CREBBP: variants seen among roughly 807,000 people sequenced by gnomAD.
CREBBP encodes the protein CREB-binding protein.
Under a neutral mutation model 265.0 loss-of-function variants are expected in CREBBP, and 19 were observed. The ratio of observed to expected loss-of-function variants is 0.07; its 90% CI spans 0.05 to 0.11. CREBBP has a LOEUF of 0.11. Ranked by LOEUF, CREBBP falls within the 10% of genes least tolerant of loss-of-function variation. The pLI is 1.00. For synonymous variants in CREBBP, 1,457 were observed against 1,223.7 expected (o/e 1.19, Z -3.98); for missense variants, 2,525 against 3,219.0 (o/e 0.78, Z 5.22).
At chr16:3,794,355 AAAAAAAAAAAG>A (rs2053565878) in intron 3 of CREBBP, among the ~76,000 whole-genome samples, 1 of 149,368 alleles carries the variant, frequency 6.7e-6, no homozygotes, top group Non-Finnish European at 1.5e-5. Flanking sequence ...AAAAAAAAAA[AAAAAAAAAAAG>A]ATTTGCCAAG....
At chr16:3,780,099 G>A (rs112206634) in intron 8 of CREBBP, among the ~76,000 whole-genome samples, 104 of 152,058 alleles carry the variant, frequency 6.8e-4, no homozygotes, top group African/African-American at 2.3e-3. Flanking sequence ...AAAAGTAGCT[G>A]GGGGTGGTGG....
chr16:3,860,277 T>C (rs1735837820), intron 1 of CREBBP, among the ~76,000 whole-genome samples: 1 of 152,222 alleles, frequency 6.6e-6, no homozygotes. Flanking sequence ...AATGCTTCTA[T>C]TAAATCTTTC....
chr16:3,782,586 A>G, intron 6 of CREBBP, 98 bp downstream of exon 6: 1 of 1,500,942 alleles, frequency 6.7e-7, no homozygotes, highest in Non-Finnish European at 9.0e-7. Context: ...CGTAGTAAAA[A>G]ACACAAAACA....
At chr16:3,832,414 C>T (rs1344549891) in intron 2 of CREBBP, among the ~76,000 whole-genome samples, 1 of 152,066 alleles carries the variant, frequency 6.6e-6, no homozygotes, top group Non-Finnish European at 1.5e-5. Flanking sequence ...ATGAATATAC[C>T]AATCATGCTT....
At chr16:3,785,473 C>T (rs1183740608) in intron 5 of CREBBP, among the ~76,000 whole-genome samples, 3 of 152,232 alleles carry the variant, frequency 2.0e-5, no homozygotes, top group African/African-American at 7.2e-5. Flanking sequence ...ATGTCACGTT[C>T]CCTGTGCATC....
intron 1 of CREBBP, 122 bp from the exon 2 acceptor site, chr16:3,851,131 T>A (rs2054825147): frequency 1.2e-6 from 1 of 822,028 alleles, no homozygotes; most frequent in Non-Finnish European, 2.0e-6. Context: ...GTCTTAAGAG[T>A]CATGTCATTA....
chr16:3,794,846 G>A (rs768464830), intron 3 of CREBBP, among the ~76,000 whole-genome samples: 15 of 152,086 alleles, frequency 9.9e-5, no homozygotes, highest in Non-Finnish European at 2.1e-4. Context: ...CCACAGTTCC[G>A]GGATTTCCAA....
chr16:3,791,833 T>C, intron 5 of CREBBP, 148 bp downstream of exon 5: 2 of 739,594 alleles, frequency 2.7e-6, no homozygotes, highest in Non-Finnish European at 4.9e-6. Context: ...CCTCTGAGCT[T>C]GGCTGTACCT....
Position 3,793,406 on chromosome 16 carries a change from T to C in CREBBP, c.1196A>G (p.Gln399Arg). The change falls in exon 4 of 31, where the codon CAG (glutamine) becomes CGG (arginine). Residue 399 changes from glutamine (Q) to arginine (R), a missense_variant. Around this residue, in one of 19 missense-constraint regions of CREBBP, gnomAD observed 126 missense variants for 171.9 expected, o/e 0.73. Transcript: ENST00000262367. ...KNVLNHMTHC[Q>R]AGKACQVAHC... is the part of the protein sequence containing the mutation. ...CTTACCTTGGCAGGCTTTCCCAGCC[T>C]GACAATGCGTCATGTGATTCAAAAC... is the stretch of plus-strand genomic sequence containing the variant. The C allele has an allele frequency of 6.2e-7, 1 of 1,614,100 alleles. No homozygotes were observed. Among genetic ancestry groups the C allele is most frequent in the Non-Finnish European group, 8.5e-7 (1 of 1,179,994 alleles).
intron 11 of CREBBP, among the ~76,000 whole-genome samples, chr16:3,775,215 GT>G (rs1413360065): frequency 6.6e-6 from 1 of 152,170 alleles, no homozygotes; most frequent in African/African-American, 2.4e-5. Flanking sequence ...GTTAGAATCT[GT>G]GCTAAGTCTC....
In CREBBP at chr16:3,727,646, A is replaced by G. The variant is rs1374340432; in HGVS notation, c.*72T>C. ...CGCAGTTCCATCTAGGAATAAAAAG[A>G]ACCTAGATGCCTGGATTTTCAGTAC... On this transcript the variant is annotated 3_prime_UTR_variant, in exon 31 of 31. Transcript: ENST00000262367. The G allele has an allele frequency of 1.9e-6, 3 of 1,612,946 alleles. No homozygotes were observed. The East Asian group carries it at 6.7e-5, about 36-fold the overall frequency.
At position 3,782,770 on chromosome 16, in the gene CREBBP, G is replaced by C. The variant is rs1567309689; in HGVS notation, c.1487C>G (p.Pro496Arg). 1.2e-6 allele frequency: 2 copies of C among 1,614,148 alleles called. No homozygotes were observed. Among genetic ancestry groups the C allele is most frequent in the Admixed American group, 1.7e-5 (1 of 60,018 alleles). ...AACCTGAGGCTGCAGCTGCGTCTGG[G>C]GCTGGTTCATGTAGGGGAGTCCGAG... The part of the protein sequence containing the change: ...AALGLPYMNQ[P>R]QTQLQPQVPG... The change falls in exon 6 of 31, where the codon CCC (proline) becomes CGC (arginine). Residue 496 changes from proline to arginine, a missense_variant. This residue lies in a region of CREBBP where 144 missense variants were observed against 134.0 expected (regional missense o/e 1.07). Coordinates refer to ENST00000262367, the MANE Select transcript of CREBBP (RefSeq NM_004380.3).
intron 8 of CREBBP, among the ~76,000 whole-genome samples, chr16:3,780,049 C>T (rs980402265): frequency 2.0e-5 from 3 of 151,916 alleles, no homozygotes; most frequent in African/African-American, 7.3e-5. Flanking sequence ...TGAGACCAGC[C>T]TGGCCAGCGT....
intron 1 of CREBBP, among the ~76,000 whole-genome samples, chr16:3,854,020 G>A (rs1462494627): frequency 2.0e-5 from 3 of 152,096 alleles, no homozygotes; most frequent in African/African-American, 7.2e-5. Context: ...TTTTCTGCAT[G>A]GTGGCAGACC....
chr16:3,729,235 G>A lies in CREBBP; in HGVS notation c.5812C>T (p.Pro1938Ser), dbSNP rs2151308058. 6.5e-7 allele frequency: 1 copy of A among 1,529,668 alleles called. No individual in the cohort carries two copies. The highest frequency in any genetic ancestry group is 8.7e-7 in the Non-Finnish European group (1 of 1,143,790). 94.8% of individuals were successfully genotyped at this position (1,529,668 alleles called of 1,614,324 possible). ...QPPTTVSTGK[P>S]TSQVPAPPPP... The stretch of plus-strand genomic sequence containing the variant: ...GGGGGGGCCGGCACCTGGCTGGTAG[G>A]CTTCCCTGTGGACACCGTGGTGGGG... The change falls in exon 31 of 31, where the codon CCT (proline) becomes TCT (serine). Residue 1938 changes from proline to serine, a missense_variant. By Grantham distance (74) the Pro-to-Ser change is moderately conservative. Coordinates refer to ENST00000262367, the MANE Select transcript of CREBBP (RefSeq NM_004380.3).
chr16:3,728,736 C>G lies in CREBBP; in HGVS notation c.6311G>C (p.Arg2104Pro), dbSNP rs2151304818. The G allele has an allele frequency of 6.2e-7, 1 of 1,613,856 alleles. No individual in the cohort carries two copies. The highest frequency in any genetic ancestry group is 8.5e-7 in the Non-Finnish European group (1 of 1,179,988). Residue 2104 changes from arginine (R) to proline (P), a missense_variant, in exon 31 of 31, where the codon CGC becomes CCC. Physicochemically the swap from Arg to Pro is moderately radical, Grantham distance 103 (BLOSUM62 -2). Around this residue, in one of 19 missense-constraint regions of CREBBP, gnomAD observed 473 missense variants for 459.3 expected, o/e 1.03. Coordinates refer to ENST00000262367, the MANE Select transcript of CREBBP (RefSeq NM_004380.3). The surrounding 1 kb of genome is among the most constrained non-coding windows in gnomAD (Gnocchi z 8.7). The stretch of plus-strand genomic sequence containing the variant: ...CTGATTGGCCACGTACTTGGCTGTG[C>G]GCTGTTTGATGAAAGCTGCCATTAG... ...PQLMAAFIKQRTAKYVANQPG... is the reference protein window; with the variant it reads ...PQLMAAFIKQPTAKYVANQPG...
chr16:3,837,045 T>A (rs1009975743), intron 2 of CREBBP, among the ~76,000 whole-genome samples: 12 of 152,244 alleles, frequency 7.9e-5, no homozygotes, highest in Admixed American at 7.2e-4. Flanking sequence ...ACTACACTTA[T>A]TAGAGTATAA....
At chr16:3,847,965 T>G (rs1432356165) in intron 2 of CREBBP, among the ~76,000 whole-genome samples, 1 of 152,094 alleles carries the variant, frequency 6.6e-6, no homozygotes, top group Non-Finnish European at 1.5e-5. Context: ...GGTCAGGAGT[T>G]CGAGACCAGC....
chr16:3,742,999 G>C (rs1230308297), intron 23 of CREBBP: 1 of 152,130 alleles, frequency 6.6e-6, no homozygotes, highest in Non-Finnish European at 1.5e-5. Flanking sequence ...TTCTGTTTTG[G>C]CTACTGAGCC....
Sources: gnomAD v4.1 joint callset for allele counts (sites outside exome capture counted in the v4.1 genomes callset) on GRCh38, gnomAD v4.1.1 for gene constraint, gnomAD v4.1.1 regional missense constraint, Gnocchi (gnomAD v3.1) non-coding constraint, MANE v1.5 for transcripts, NCBI Gene and HGNC (gene_info 2026-07-23, HGNC 2026-07-21) for gene names.